The following NUP210L variants were observed in gnomAD, a reference collection of about 807,000 sequenced individuals.
NUP210L encodes the protein nucleoporin 210 like.
Under a neutral mutation model 208.5 loss-of-function variants are expected in NUP210L, and 74 were observed. The observed-to-expected ratio is 0.35, with a 90% CI of 0.29 to 0.43. The LOEUF (loss-of-function observed/expected upper bound fraction) is 0.43, where lower values mean the gene tolerates loss of function less well. NUP210L is among the 20% of genes least tolerant of loss of function. The pLI is 1.00. For missense variants in NUP210L, 1,843 were observed against 2,289.4 expected (o/e 0.81, Z 3.98); for synonymous variants, 780 against 816.9 (o/e 0.95, Z 0.77).
chr1:154,002,775 A>G (rs1650294377), intron 35 of NUP210L, among the ~76,000 whole-genome samples: 2 of 151,700 alleles, frequency 1.3e-5, no homozygotes, highest in Non-Finnish European at 2.9e-5. Context: ...TAAGAATACC[A>G]TTCTTATTCA....
At chr1:154,049,347 C>T (rs1239144516) in intron 25 of NUP210L, among the ~76,000 whole-genome samples, 2 of 152,126 alleles carry the variant, frequency 1.3e-5, no homozygotes, top group African/African-American at 4.8e-5. Flanking sequence ...TCAAAGTCAA[C>T]ATATGATGCA....
intron 15 of NUP210L, among the ~76,000 whole-genome samples, chr1:154,092,421 G>A (rs1655974948): frequency 1.3e-5 from 2 of 150,948 alleles, no homozygotes; most frequent in African/African-American, 4.9e-5. Flanking sequence ...CCAGGCTGGA[G>A]TGCAGTGGCG....
At chr1:154,078,235 T>C (rs1045536111) in intron 16 of NUP210L, among the ~76,000 whole-genome samples, 3 of 151,528 alleles carry the variant, frequency 2.0e-5, no homozygotes, top group African/African-American at 7.3e-5. Flanking sequence ...GAGGATCCTT[T>C]GAGCTGGGGA....
At chr1:154,044,171 C>T (rs534984783) in intron 27 of NUP210L, among the ~76,000 whole-genome samples, 36 of 151,806 alleles carry the variant, frequency 2.4e-4, no homozygotes, top group Non-Finnish European at 4.3e-4. Flanking sequence ...TTTGGGAGGC[C>T]GAGGTGGGTG....
chr1:154,031,453 A>G (rs1356102964), intron 27 of NUP210L, among the ~76,000 whole-genome samples: 3 of 152,136 alleles, frequency 2.0e-5, no homozygotes, highest in Admixed American at 2.0e-4. Context: ...GCTATCATAT[A>G]CTAGATCTTA....
intron 10 of NUP210L, among the ~76,000 whole-genome samples, chr1:154,125,664 A>AGGAAGGAG (rs1178635618): frequency 4.7e-4 from 1 of 2,136 alleles, no homozygotes; most frequent in African/African-American, 1.1e-3. Context: ...GAAGGAAGGA[A>AGGAAGGAG]GGAAGGAAGG....
chr1:154,095,018 C>T, exon 15 of NUP210L: 1 of 1,614,128 alleles, frequency 6.2e-7, no homozygotes, highest in Non-Finnish European at 8.5e-7. Context: ...TGTGCTATTC[C>T]AATCTTCTCT....
intron 15 of NUP210L, among the ~76,000 whole-genome samples, chr1:154,089,858 G>C (rs1655814718): frequency 1.3e-5 from 2 of 152,018 alleles, no homozygotes; most frequent in African/African-American, 4.8e-5. Context: ...CCAGCACTTT[G>C]GGAGGATCAC....
At chr1:154,043,312 A>G (rs539148603) in intron 27 of NUP210L, among the ~76,000 whole-genome samples, 105 of 145,672 alleles carry the variant, frequency 7.2e-4, no homozygotes, top group Non-Finnish European at 1.2e-3. Context: ...GAGCCACTGC[A>G]CTCCGCCTTT....
intron 23 of NUP210L, 60 bp from the exon 24 acceptor site, chr1:154,054,892 C>A: frequency 1.6e-6 from 2 of 1,214,162 alleles, no homozygotes; most frequent in South Asian, 1.3e-5. Context: ...TATAACATAT[C>A]ATGGTCATTT....
Position 154,009,978 on chromosome 1 carries a change from C to A in NUP210L, c.4924G>T (p.Glu1642Ter), listed in dbSNP as rs763067373. The change falls in exon 35 of 40, where the codon GAG becomes TAG. Residue 1642 changes from glutamate (E) to a stop codon, truncating the protein, a stop_gained. Transcript: ENST00000368559. LOFTEE classifies it high-confidence loss of function. ...TTCAACTGGTGTAACTTACCTTTCTCCATACTGAAATCTGAATGGACCTGA... is the reference window on the plus strand; with the variant it reads ...TTCAACTGGTGTAACTTACCTTTCTACATACTGAAATCTGAATGGACCTGA... 2 of 1,608,224 alleles carry A rather than the reference C, an allele frequency of 1.2e-6. No individual in the cohort carries two copies. Among genetic ancestry groups the A allele is most frequent in the South Asian group, 1.1e-5 (1 of 89,500 alleles).
chr1:153,992,981 A>C, intron 39 of NUP210L, 34 bp downstream of exon 39: 1 of 1,609,220 alleles, frequency 6.2e-7, no homozygotes. Context: ...TGTGTATCTG[A>C]GCTTTTCAAA....
At position 154,018,274 on chromosome 1, in the gene NUP210L, T is replaced by C. The variant is rs575634189; in HGVS notation, c.4653+659A>G. 7.9e-5 allele frequency among the ~76,000 whole-genome samples: 12 copies of C among 152,234 alleles called. No individual in the cohort carries two copies. In the East Asian group the frequency reaches 2.3e-3, roughly 29 times the overall value. The stretch of plus-strand genomic sequence containing the variant: ...GATGTGAGCCACCGCGCCTGGCCTT[T>C]TTTCTATTTTACATTCATTCTTTGG... On this transcript the variant is annotated intron_variant, in intron 33 of 39. Coordinates refer to ENST00000368559, the Ensembl canonical transcript of NUP210L.
exon 8 of NUP210L, chr1:154,129,334 G>T: frequency 6.2e-7 from 1 of 1,607,728 alleles, no homozygotes; most frequent in Non-Finnish European, 8.5e-7. Context: ...GACACAGATC[G>T]CATATGAACA....
chr1:154,130,334 A>G (rs1217625523), intron 7 of NUP210L, among the ~76,000 whole-genome samples: 1 of 151,482 alleles, frequency 6.6e-6, no homozygotes, highest in Non-Finnish European at 1.5e-5. Context: ...GTGCAACAGC[A>G]TGATCTTGGC....
At chr1:154,089,509 G>A in exon 16 of NUP210L, 1 of 1,614,006 alleles carries the variant, frequency 6.2e-7, no homozygotes, top group Non-Finnish European at 8.5e-7. Context: ...GGCAGGGTGG[G>A]CACAAATGAA....
chr1:154,086,244 A>G (rs1425952405), intron 16 of NUP210L, among the ~76,000 whole-genome samples: 2 of 151,852 alleles, frequency 1.3e-5, no homozygotes, highest in Non-Finnish European at 2.9e-5. Flanking sequence ...AAAGAAAAGA[A>G]AAAAACAAAA....
chr1:154,105,877 A>T (rs1656730524), intron 12 of NUP210L, among the ~76,000 whole-genome samples: 2 of 152,264 alleles, frequency 1.3e-5, no homozygotes, highest in South Asian at 4.1e-4. Flanking sequence ...TTTAATGAAC[A>T]TTGGTAGTAG....
intron 12 of NUP210L, 67 bp from the exon 13 acceptor site, chr1:154,104,277 A>C: frequency 7.9e-7 from 1 of 1,266,970 alleles, no homozygotes; most frequent in Non-Finnish European, 1.1e-6. Flanking sequence ...GAGGAGAAGC[A>C]AGATGGCCAA....
Sources: gnomAD v4.1 joint callset for allele counts (sites outside exome capture counted in the v4.1 genomes callset) on GRCh38, gnomAD v4.1.1 for gene constraint, MANE v1.5 for transcripts, NCBI Gene and HGNC (gene_info 2026-07-23, HGNC 2026-07-21) for gene names.